Variants in IPO11 observed in about 807,000 individuals in gnomAD.
IPO11 encodes the protein importin-11.
IPO11 carries 66 observed loss-of-function variants against 143.2 expected under a neutral mutation model. That is an observed-to-expected ratio of 0.46 (90% CI 0.38 to 0.57). IPO11 has a LOEUF of 0.57. Ranked by LOEUF, IPO11 falls within the 20% of genes least tolerant of loss-of-function variation. The probability of loss-of-function intolerance (pLI) is 0.00; values close to 1 mark genes in which losing one functional copy is unlikely to be tolerated. For synonymous variants in IPO11, 385 were observed against 377.8 expected, an observed-to-expected ratio of 1.02 and a Z score of -0.22; for missense variants, 1,026 against 1,141.0, an observed-to-expected ratio of 0.90 and a Z score of 1.45.
At position 62,484,200 on chromosome 5, in the gene IPO11, C is replaced by T. The variant is rs371809594; in HGVS notation, c.1174+38C>T. The T allele has an allele frequency of 5.4e-5, 83 of 1,523,840 alleles. 1 individual carries two copies. The highest frequency in any genetic ancestry group is 7.1e-5 in the Non-Finnish European group (80 of 1,131,848). The allele number at this position is 1,523,840 out of a possible 1,614,324, so 94.4% of individuals were successfully genotyped here. On this transcript the variant is annotated intron_variant, in intron 11 of 29. Coordinates refer to ENST00000325324, the MANE Select transcript of IPO11 (RefSeq NM_016338.5). ...TTTTTAGTGTTAGAATGACTTTTCT[C>T]CCCTTTCTATAAATATCTGTTTGAG...
At chr5:62,437,813 C>CT (rs1561310340) in intron 2 of IPO11, among the ~76,000 whole-genome samples, 1 of 152,184 alleles carries the variant, frequency 6.6e-6, no homozygotes, top group African/African-American at 2.4e-5. Flanking sequence ...GTGTATTTCA[C>CT]TTTAAAATGT....
intron 1 of IPO11, among the ~76,000 whole-genome samples, chr5:62,435,210 G>GTA (rs769669064): frequency 0.08 from 7,389 of 92,238 alleles, 627 homozygotes; most frequent in South Asian, 0.15. Context: ...GTATATATAT[G>GTA]TGTATATATA....
intron 6 of IPO11, among the ~76,000 whole-genome samples, 171 bp from the exon 7 acceptor site, chr5:62,470,079 A>G (rs1010519440): frequency 6.6e-6 from 1 of 152,214 alleles, no homozygotes; most frequent in Non-Finnish European, 1.5e-5. Context: ...GAAGAACTAG[A>G]CTTTAGTTCC....
chr5:62,524,845 T>C (rs1461098343), intron 20 of IPO11, among the ~76,000 whole-genome samples: 1 of 152,192 alleles, frequency 6.6e-6, no homozygotes, highest in Non-Finnish European at 1.5e-5. Flanking sequence ...CTTTGAATTA[T>C]ATTGACATTT....
intron 27 of IPO11, among the ~76,000 whole-genome samples, chr5:62,590,218 AT>A (rs368005880): frequency 9.7e-4 from 146 of 151,120 alleles, no homozygotes; most frequent in African/African-American, 3.4e-3. Context: ...GTGGAAAACT[AT>A]TTTTTTTTAA....
In IPO11 at chr5:62,628,365, A is replaced by G. The variant is rs1165929094; in HGVS notation, c.*1047A>G. ...AAAGCCTTACTTTGTTTTACTTGCC[A>G]TTTATTGTAAGGAAACTTTAAAGCA... On this transcript the variant is annotated 3_prime_UTR_variant, in exon 30 of 30. Transcript: ENST00000325324. 6.6e-6 allele frequency: 1 copy of G among 152,612 alleles called. No individual in the cohort carries two copies. Among genetic ancestry groups the G allele is most frequent in the Non-Finnish European group, 1.5e-5 (1 of 68,030 alleles). 9.5% of individuals were successfully genotyped at this position (152,612 alleles called of 1,614,324 possible).
intron 5 of IPO11, among the ~76,000 whole-genome samples, chr5:62,453,109 A>G (rs1745002292): frequency 6.6e-5 from 10 of 150,948 alleles, no homozygotes; most frequent in Admixed American, 6.6e-4. Context: ...GCTGCCCTCC[A>G]AAAAAGAAGA....
At chr5:62,503,281 T>G (rs1029747959) in intron 16 of IPO11, among the ~76,000 whole-genome samples, 2 of 150,494 alleles carry the variant, frequency 1.3e-5, no homozygotes, top group African/African-American at 4.9e-5. Context: ...CTTAATGTTT[T>G]CAAGTTAGCC....
intron 1 of IPO11, among the ~76,000 whole-genome samples, chr5:62,425,523 G>T (rs1442638614): frequency 1.3e-5 from 2 of 152,042 alleles, no homozygotes; most frequent in African/African-American, 4.8e-5. Flanking sequence ...TCACCATGTT[G>T]TTCAGGCTGG....
intron 22 of IPO11, among the ~76,000 whole-genome samples, chr5:62,533,084 A>G (rs919554215): frequency 6.6e-6 from 1 of 152,238 alleles, no homozygotes; most frequent in African/African-American, 2.4e-5. Flanking sequence ...ATTTACATCA[A>G]TAATGAAGAA....
At chr5:62,464,143 GTTTTTTTTTTTT>G (rs34056674) in intron 5 of IPO11, among the ~76,000 whole-genome samples, 1 of 78,682 alleles carries the variant, frequency 1.3e-5, no homozygotes, top group African/African-American at 5.2e-5. Context: ...GTTTTTGGTG[GTTTTTTTTTTTT>G]TTTTTTTTTT....
At chr5:62,463,980 C>T (rs111369820) in intron 5 of IPO11, among the ~76,000 whole-genome samples, 9 of 151,024 alleles carry the variant, frequency 6.0e-5, no homozygotes, top group African/African-American at 1.9e-4. Context: ...CGTGCCACCA[C>T]GCCCAGCTAA....
At chr5:62,453,203 G>A (rs1461408389) in intron 5 of IPO11, among the ~76,000 whole-genome samples, 1 of 150,866 alleles carries the variant, frequency 6.6e-6, no homozygotes, top group African/African-American at 2.5e-5. Context: ...TATTGCTCAT[G>A]CCTTTCCCTA....
intron 3 of IPO11, among the ~76,000 whole-genome samples, chr5:62,446,549 G>T (rs1379956349): frequency 6.6e-6 from 1 of 152,138 alleles, no homozygotes; most frequent in Admixed American, 6.6e-5. Context: ...GTACTTATTG[G>T]TCATTGGGAT....
intron 5 of IPO11, among the ~76,000 whole-genome samples, chr5:62,461,241 TG>T (rs950516072): frequency 6.6e-6 from 1 of 151,506 alleles, no homozygotes; most frequent in African/African-American, 2.4e-5. Flanking sequence ...GTTGGGGGGA[TG>T]GGGGGTTGAG....
chr5:62,514,219 A>C (rs1741914393), intron 19 of IPO11, among the ~76,000 whole-genome samples: 1 of 152,038 alleles, frequency 6.6e-6, no homozygotes, highest in Non-Finnish European at 1.5e-5. Context: ...CAATCTCTGC[A>C]CTTTGGGGGG....
intron 16 of IPO11, among the ~76,000 whole-genome samples, chr5:62,499,302 T>C (rs1023798342): frequency 2.6e-5 from 4 of 152,154 alleles, no homozygotes; most frequent in African/African-American, 9.7e-5. Context: ...TGGTAAGTAT[T>C]TGTGTGTCTA....
At chr5:62,607,739 C>CT (rs995221544) in intron 29 of IPO11, among the ~76,000 whole-genome samples, 2 of 151,438 alleles carry the variant, frequency 1.3e-5, no homozygotes, top group Non-Finnish European at 2.9e-5. Flanking sequence ...GTTGAGAGAC[C>CT]TTTTTTCTTT....
intron 8 of IPO11, among the ~76,000 whole-genome samples, chr5:62,475,875 A>C (rs1398131541): frequency 6.6e-6 from 1 of 152,096 alleles, no homozygotes; most frequent in Non-Finnish European, 1.5e-5. Context: ...GATTGTAAGC[A>C]CCTTTATTTG....
Sources: allele counts gnomAD v4.1 joint callset (sites outside exome capture counted in the v4.1 genomes callset), GRCh38; gene constraint gnomAD v4.1.1; transcripts MANE v1.5; gene names NCBI Gene and HGNC (gene_info 2026-07-23, HGNC 2026-07-21).